Variants in KCNQ3 observed in about 807,000 individuals in gnomAD.
KCNQ3 encodes the protein potassium voltage-gated channel subfamily KQT member 3.
KCNQ3 carries 30 observed loss-of-function variants against 92.5 expected under a neutral mutation model. The ratio of observed to expected loss-of-function variants is 0.32; its 90% CI spans 0.24 to 0.44. The LOEUF (loss-of-function observed/expected upper bound fraction) is 0.44. KCNQ3 is among the 20% of genes least tolerant of loss of function. The pLI is 1.00. For missense variants in KCNQ3, 913 were observed against 1,140.3 expected (o/e 0.80, Z 2.87); for synonymous variants, 450 against 468.8 (o/e 0.96, Z 0.52).
intron 1 of KCNQ3, among the ~76,000 whole-genome samples, chr8:132,384,561 A>G (rs1007136607): frequency 6.6e-6 from 1 of 152,206 alleles, no homozygotes; most frequent in Non-Finnish European, 1.5e-5. Flanking sequence ...GCTTAATGGG[A>G]AAAGGTTGCA....
chr8:132,141,400 A>G (rs1554623065), intron 9 of KCNQ3, 69 bp from the exon 10 acceptor site: 1 of 1,334,722 alleles, frequency 7.5e-7, no homozygotes, highest in Non-Finnish European at 1.1e-6. Flanking sequence ...CCATCCCTCC[A>G]TAAAGACTCA....
intron 11 of KCNQ3, 21 bp downstream of exon 11, chr8:132,140,055 G>A (rs750673206): frequency 6.5e-7 from 1 of 1,539,286 alleles, no homozygotes; most frequent in Non-Finnish European, 8.8e-7. Context: ...ACAGGCACAG[G>A]TGGGACCGTG....
chr8:132,180,175 G>A lies in KCNQ3; in HGVS notation c.759C>T (p.Ala253=). The A allele has an allele frequency of 1.2e-6, 2 of 1,614,154 alleles. No homozygotes were observed. The highest frequency in any genetic ancestry group is 1.7e-6 in the Non-Finnish European group (2 of 1,180,032). Residue 253 remains alanine, a synonymous_variant, in exon 4 of 15, where the codon GCC becomes GCT. Transcript: ENST00000388996. The part of the protein sequence containing the change: ...RGGTWKLLGS[A]ICAHSKELIT... ...CACTTACTTTGCTGTGGGCACAGAT[G>A]GCTGAGCCCAGAAGCTTCCAGGTGC...
chr8:132,337,594 CA>C (rs1174069461), intron 1 of KCNQ3, among the ~76,000 whole-genome samples: 10 of 152,156 alleles, frequency 6.6e-5, no homozygotes, highest in African/African-American at 2.4e-4. Context: ...CTGGTACCAA[CA>C]GGTCACATGT....
intron 7 of KCNQ3, 99 bp from the exon 8 acceptor site, chr8:132,170,527 T>A (rs1826297155): frequency 1.3e-6 from 1 of 794,292 alleles, no homozygotes; most frequent in East Asian, 2.5e-5. Flanking sequence ...CCTGGACTCC[T>A]AAGAATTTGA....
chr8:132,193,677 T>A (rs1434729464), intron 1 of KCNQ3, among the ~76,000 whole-genome samples: 1 of 152,206 alleles, frequency 6.6e-6, no homozygotes, highest in Non-Finnish European at 1.5e-5. Context: ...GATGCAGGAA[T>A]TTTTTCGTAC....
At chr8:132,410,130 A>C (rs1218945650) in intron 1 of KCNQ3, among the ~76,000 whole-genome samples, 3 of 152,202 alleles carry the variant, frequency 2.0e-5, no homozygotes, top group African/African-American at 7.2e-5. Flanking sequence ...CCTGTCTCAA[A>C]AAATATAATA....
At chr8:132,187,567 AC>A (rs1827009274) in intron 1 of KCNQ3, among the ~76,000 whole-genome samples, 1 of 152,084 alleles carries the variant, frequency 6.6e-6, no homozygotes, top group Non-Finnish European at 1.5e-5. Context: ...TTCGACTTTA[AC>A]CCATGTTTGA....
chr8:132,305,347 G>GA, intron 1 of KCNQ3, among the ~76,000 whole-genome samples: 1 of 152,240 alleles, frequency 6.6e-6, no homozygotes, highest in South Asian at 2.1e-4. Flanking sequence ...GACTGTCCTA[G>GA]AAAATTGCTT....
intron 12 of KCNQ3, among the ~76,000 whole-genome samples, chr8:132,135,375 C>T (rs978248951): frequency 6.6e-6 from 1 of 152,116 alleles, no homozygotes; most frequent in Non-Finnish European, 1.5e-5. Context: ...GGAAAGCAGG[C>T]TTGAAGGCTT....
chr8:132,388,848 T>C (rs1213713624), intron 1 of KCNQ3, among the ~76,000 whole-genome samples: 2 of 152,244 alleles, frequency 1.3e-5, no homozygotes, highest in Non-Finnish European at 2.9e-5. Context: ...GTGTCTTACA[T>C]GAATCGTGAT....
At chr8:132,410,748 C>T (rs912279272) in intron 1 of KCNQ3, among the ~76,000 whole-genome samples, 2 of 152,210 alleles carry the variant, frequency 1.3e-5, no homozygotes, top group Non-Finnish European at 2.9e-5. Context: ...TGAGTTCCCC[C>T]AATGTCAAGG....
At chr8:132,392,790 C>CA (rs56183412) in intron 1 of KCNQ3, among the ~76,000 whole-genome samples, 8,639 of 72,508 alleles carry the variant, frequency 0.12, 813 homozygotes, top group Admixed American at 0.17. Context: ...GAACCTGTCT[C>CA]AAAAAAAAAA....
intron 1 of KCNQ3, among the ~76,000 whole-genome samples, chr8:132,310,740 T>A (rs573059495): frequency 1.3e-5 from 2 of 152,328 alleles, no homozygotes; most frequent in East Asian, 3.9e-4. Flanking sequence ...AAAAGTGGTA[T>A]GTGAGCTGAG....
chr8:132,345,985 T>C (rs762017776), intron 1 of KCNQ3, among the ~76,000 whole-genome samples: 1 of 151,844 alleles, frequency 6.6e-6, no homozygotes, highest in East Asian at 1.9e-4. Context: ...ATGAGTATTA[T>C]GATGGGATGG....
chr8:132,428,237 C>T (rs1821159930), intron 1 of KCNQ3, among the ~76,000 whole-genome samples: 1 of 152,160 alleles, frequency 6.6e-6, no homozygotes, highest in Admixed American at 6.5e-5. Context: ...ACCCCCTCCT[C>T]TTTAAGATCT....
chr8:132,276,277 C>T (rs1816327121), intron 1 of KCNQ3, among the ~76,000 whole-genome samples: 1 of 152,204 alleles, frequency 6.6e-6, no homozygotes, highest in South Asian at 2.1e-4. Flanking sequence ...GTGCCTACTC[C>T]AGGAGGTGGA....
intron 1 of KCNQ3, among the ~76,000 whole-genome samples, chr8:132,358,454 C>A (rs1472844090): frequency 6.6e-6 from 1 of 152,178 alleles, no homozygotes; most frequent in Admixed American, 6.5e-5. Context: ...AGGAAGAAGT[C>A]AACCAAAGAA....
chr8:132,292,221 C>T (rs1816855683), intron 1 of KCNQ3, among the ~76,000 whole-genome samples: 1 of 152,202 alleles, frequency 6.6e-6, no homozygotes, highest in Admixed American at 6.5e-5. Flanking sequence ...CCTCAAGTGT[C>T]TTGATTTCCC....
Sources: gnomAD v4.1 joint callset for allele counts (sites outside exome capture counted in the v4.1 genomes callset) on GRCh38, gnomAD v4.1.1 for gene constraint, MANE v1.5 for transcripts, NCBI Gene and HGNC (gene_info 2026-07-23, HGNC 2026-07-21) for gene names.